Variants in IGSF21 observed in about 807,000 individuals in gnomAD.
IGSF21 encodes immunoglobin superfamily member 21.
IGSF21 carries 28 observed loss-of-function variants against 46.8 expected under a neutral mutation model. That is an observed-to-expected ratio of 0.60 (90% CI 0.44 to 0.82). IGSF21 has a LOEUF of 0.82. Ranked by LOEUF, IGSF21 falls within the 40% of genes least tolerant of loss-of-function variation. The probability of loss-of-function intolerance (pLI) is 0.00; values close to 1 mark genes in which losing one functional copy is unlikely to be tolerated. For synonymous variants in IGSF21, 284 were observed against 273.6 expected (o/e 1.04, Z -0.38); for missense variants, 624 against 665.5 (o/e 0.94, Z 0.69).
chr1:18,348,810 G>A (rs1035991987), intron 4 of IGSF21, among the ~76,000 whole-genome samples: 2 of 152,124 alleles, frequency 1.3e-5, no homozygotes, highest in Non-Finnish European at 1.5e-5. Flanking sequence ...ACTGCAAGTC[G>A]GCTTGGTATG....
rs761818920 is a variant in IGSF21, at chr1:18,278,843, A to G, written c.184-13023A>G. 1.7e-5 allele frequency: 8 copies of G among 471,458 alleles called. No homozygotes were observed. In the Middle Eastern group the frequency reaches 2.3e-3, roughly 134 times the overall value. 29.2% of individuals were successfully genotyped at this position (471,458 alleles called of 1,614,324 possible). A position where few individuals can be genotyped will look rare whatever the true frequency, so the allele number is the denominator to read the frequency against. ...AGTGCTGGGATTACAGGCACGAGCC[A>G]CTGCACCCAGCCCATGTTCACATTT... On this transcript the variant is annotated intron_variant, in intron 2 of 9. Coordinates refer to ENST00000251296, the MANE Select transcript of IGSF21 (RefSeq NM_032880.5).
intron 1 of IGSF21, among the ~76,000 whole-genome samples, chr1:18,169,666 G>A (rs116635471): frequency 1.8e-3 from 271 of 152,294 alleles, no homozygotes; most frequent in Non-Finnish European, 3.3e-3. Context: ...AGTCAGATGC[G>A]CCTGATTAAC....
intron 2 of IGSF21, among the ~76,000 whole-genome samples, chr1:18,273,039 CTTTTTTTTTTT>C (rs760448516): frequency 1.2e-5 from 1 of 80,722 alleles, no homozygotes; most frequent in Non-Finnish European, 2.4e-5. Flanking sequence ...CCAGACGGAT[CTTTTTTTTTTT>C]TTTTTTTTTT....
intron 1 of IGSF21, among the ~76,000 whole-genome samples, chr1:18,226,370 G>T (rs568555386): frequency 6.6e-6 from 1 of 152,298 alleles, no homozygotes. Flanking sequence ...CCCCAGGCCC[G>T]CACAGGGTAG....
At chr1:18,173,856 C>A (rs552783514) in intron 1 of IGSF21, among the ~76,000 whole-genome samples, 5 of 152,118 alleles carry the variant, frequency 3.3e-5, no homozygotes, top group Non-Finnish European at 7.4e-5. Context: ...CAGGTTCAAG[C>A]GATTCTCCTG....
At chr1:18,162,157 C>A (rs1017732907) in intron 1 of IGSF21, among the ~76,000 whole-genome samples, 1 of 152,100 alleles carries the variant, frequency 6.6e-6, no homozygotes, top group Non-Finnish European at 1.5e-5. Context: ...GCGATCCTCT[C>A]ACCTCAACCT....
chr1:18,248,735 C>T lies in IGSF21; in HGVS notation c.183+20725C>T, dbSNP rs568478195. Among the ~76,000 whole-genome samples, 45 of 152,150 alleles carry T rather than the reference C, an allele frequency of 3.0e-4. 1 individual carries two copies. The South Asian group carries it at 4.6e-3, about 15-fold the overall frequency. ...ATTCCTTTACTTAACAAATAGTTAC[C>T]GGGCCCCTACAGGGGTGTCAGGCCC... is the stretch of plus-strand genomic sequence containing the variant. On this transcript the variant is annotated intron_variant, in intron 2 of 9. Transcript: ENST00000251296.
At chr1:18,203,966 G>A (rs959094651) in intron 1 of IGSF21, among the ~76,000 whole-genome samples, 1 of 152,148 alleles carries the variant, frequency 6.6e-6, no homozygotes, top group African/African-American at 2.4e-5. Flanking sequence ...TTTGATCTGG[G>A]GCCATCGCTT....
intron 2 of IGSF21, among the ~76,000 whole-genome samples, chr1:18,268,081 C>T (rs181135386): frequency 1.3e-3 from 196 of 152,374 alleles, no homozygotes; most frequent in South Asian, 0.013. Flanking sequence ...TGGCACATAA[C>T]AGGTGCTTAA....
chr1:18,352,984 G>A (rs2085973751), intron 4 of IGSF21, among the ~76,000 whole-genome samples: 2 of 152,084 alleles, frequency 1.3e-5, no homozygotes, highest in African/African-American at 4.8e-5. Flanking sequence ...ACTGCACCAA[G>A]CACAGGAGCT....
chr1:18,244,445 G>T (rs2084763973), intron 2 of IGSF21, among the ~76,000 whole-genome samples: 1 of 152,214 alleles, frequency 6.6e-6, no homozygotes, highest in Admixed American at 6.5e-5. Flanking sequence ...GATGCTGGGT[G>T]GGCCTTTCTC....
intron 3 of IGSF21, among the ~76,000 whole-genome samples, chr1:18,315,799 T>C (rs554485357): frequency 7.1e-6 from 1 of 140,106 alleles, no homozygotes; most frequent in South Asian, 2.5e-4. Flanking sequence ...AATGAATGGA[T>C]GGATGGGTGG....
At chr1:18,243,799 T>G (rs1277895629) in intron 2 of IGSF21, among the ~76,000 whole-genome samples, 6 of 152,120 alleles carry the variant, frequency 3.9e-5, no homozygotes, top group South Asian at 2.1e-4. Context: ...ATTTCAAAGA[T>G]GAGCAGCATG....
At chr1:18,201,022 A>AT (rs1318624710) in intron 1 of IGSF21, among the ~76,000 whole-genome samples, 1 of 152,224 alleles carries the variant, frequency 6.6e-6, no homozygotes, top group Non-Finnish European at 1.5e-5. Context: ...CATTTATGGA[A>AT]GCAAAGATAG....
At chr1:18,320,772 A>G (rs2124593837) in intron 3 of IGSF21, among the ~76,000 whole-genome samples, 1 of 152,252 alleles carries the variant, frequency 6.6e-6, no homozygotes, top group African/African-American at 2.4e-5. Flanking sequence ...TAGCTGCGTG[A>G]CCTCAGACAA....
At chr1:18,114,755 G>A (rs1216071071) in intron 1 of IGSF21, 1 of 152,238 alleles carries the variant, frequency 6.6e-6, no homozygotes. Flanking sequence ...GGCCCAGGAA[G>A]ATGAAAGGAT....
intron 1 of IGSF21, among the ~76,000 whole-genome samples, chr1:18,134,876 C>T: frequency 6.6e-6 from 1 of 152,370 alleles, no homozygotes; most frequent in Middle Eastern, 3.4e-3. Flanking sequence ...TAGGGTTCCA[C>T]AGCCATGCCT....
rs192043355 is a variant in IGSF21, at chr1:18,153,690, A to T, written c.70+45492A>T. Among the ~76,000 whole-genome samples the T allele has an allele frequency of 2.8e-3, 395 of 142,538 alleles. 2 individuals are homozygous for T. The highest frequency in any genetic ancestry group is 4.4e-3 in the Non-Finnish European group (285 of 65,168). 93.5% of individuals were successfully genotyped at this position (142,538 alleles called of 152,430 possible). ...TGAGGGTCAGGAGAGTGAAGTGATCATCTGTGGTGGTCCAGCTAGGGATGG... is the reference window on the plus strand; with the variant it reads ...TGAGGGTCAGGAGAGTGAAGTGATCTTCTGTGGTGGTCCAGCTAGGGATGG... On this transcript the variant is annotated intron_variant, in intron 1 of 9. Transcript: ENST00000251296.
chr1:18,121,395 G>A (rs1472864160), intron 1 of IGSF21, among the ~76,000 whole-genome samples: 1 of 152,140 alleles, frequency 6.6e-6, no homozygotes, highest in Non-Finnish European at 1.5e-5. Flanking sequence ...GTTGGCTGAG[G>A]TGGCTTTTCT....
Sources: gnomAD v4.1 joint callset for allele counts (sites outside exome capture counted in the v4.1 genomes callset) on GRCh38, gnomAD v4.1.1 for gene constraint, MANE v1.5 for transcripts, NCBI Gene and HGNC (gene_info 2026-07-23, HGNC 2026-07-21) for gene names.